The following RAP1GAP2 variants were observed in gnomAD, a reference collection of about 807,000 sequenced individuals.
RAP1GAP2 encodes rap1 GTPase-activating protein 2.
In RAP1GAP2, 27 loss-of-function variants were observed where a neutral mutation model predicts 95.0. The observed-to-expected ratio is 0.28, with a 90% confidence interval of 0.21 to 0.39. The LOEUF (loss-of-function observed/expected upper bound fraction) is 0.39. RAP1GAP2 is among the 10% of genes least tolerant of loss of function. The probability of loss-of-function intolerance (pLI) is 1.00; values close to 1 mark genes in which losing one functional copy is unlikely to be tolerated. For synonymous variants in RAP1GAP2, 373 were observed against 380.9 expected, an observed-to-expected ratio of 0.98 and a Z score of 0.24; for missense variants, 771 against 970.0, an observed-to-expected ratio of 0.79 and a Z score of 2.72.
intron 2 of RAP1GAP2, among the ~76,000 whole-genome samples, chr17:2,851,080 G>T (rs2151593302): frequency 6.6e-6 from 1 of 151,068 alleles, no homozygotes; most frequent in South Asian, 2.1e-4. Flanking sequence ...AAAAAAAAGT[G>T]AAAAAGTAAG....
intron 19 of RAP1GAP2, among the ~76,000 whole-genome samples, chr17:3,024,740 T>C: frequency 6.6e-6 from 1 of 152,224 alleles, no homozygotes; most frequent in Non-Finnish European, 1.5e-5. Context: ...TAAAAAGGAA[T>C]AAAGTCCTGA....
At chr17:3,031,580 C>A (rs1192761078) in intron 23 of RAP1GAP2, among the ~76,000 whole-genome samples, 2 of 147,684 alleles carry the variant, frequency 1.4e-5, no homozygotes, top group African/African-American at 5.0e-5. Context: ...TTCCTGGGTC[C>A]CGAATCCCTT....
chr17:2,985,033 C>T lies in RAP1GAP2; in HGVS notation c.780C>T (p.Phe260=). 6.2e-7 allele frequency: 1 copy of T among 1,613,828 alleles called. No homozygotes were observed. The highest frequency in any genetic ancestry group is 8.5e-7 in the Non-Finnish European group (1 of 1,179,860). The stretch of plus-strand genomic sequence containing the variant: ...ATGAGCATGAAGTCAACAACACATT[C>T]AAATTCGGAGTCATTTATCAAAAAG... ...SYDEHEVNNT[F]KFGVIYQKAR... is the part of the protein sequence containing the mutation. Residue 260 remains phenylalanine (F), a synonymous_variant, in exon 11 of 25, where the codon TTC becomes TTT. Coordinates refer to ENST00000254695, the MANE Select transcript of RAP1GAP2 (RefSeq NM_015085.5).
intron 2 of RAP1GAP2, among the ~76,000 whole-genome samples, chr17:2,901,732 C>G (rs1344926767): frequency 6.6e-6 from 1 of 152,130 alleles, no homozygotes; most frequent in Non-Finnish European, 1.5e-5. Context: ...TCACTTAACT[C>G]TATCTTATCT....
upstream of RAP1GAP2, among the ~76,000 whole-genome samples, chr17:2,775,923 C>A (rs1008227417): frequency 4.6e-5 from 7 of 152,168 alleles, no homozygotes; most frequent in Non-Finnish European, 1.5e-5. Context: ...TCATGCCTGT[C>A]ATCTCAGCAC....
intron 1 of RAP1GAP2, among the ~76,000 whole-genome samples, chr17:2,785,399 T>TG (rs1237712099): frequency 2.2e-5 from 3 of 138,172 alleles, no homozygotes; most frequent in African/African-American, 8.5e-5. Context: ...AGCAAAAAGT[T>TG]GGAAAAAAAA....
In RAP1GAP2 at chr17:2,820,450, G is replaced by A. The variant is rs1267205581; in HGVS notation, c.80+19900G>A. ...AGCCTGGCCAACATGGCAAAACCCC[G>A]TCTCTACTAAAAACACAAAAATTAG... On this transcript the variant is annotated intron_variant, in intron 2 of 24. Transcript: ENST00000254695. 5.3e-5 allele frequency among the ~76,000 whole-genome samples: 8 copies of A among 151,926 alleles called. No homozygotes were observed. The South Asian group carries it at 6.2e-4, about 12-fold the overall frequency.
intron 3 of RAP1GAP2, among the ~76,000 whole-genome samples, chr17:2,922,395 A>C (rs2042809376): frequency 6.6e-6 from 1 of 152,178 alleles, no homozygotes; most frequent in South Asian, 2.1e-4. Flanking sequence ...TTTCCGAATA[A>C]GGTTACACAC....
intron 17 of RAP1GAP2, among the ~76,000 whole-genome samples, chr17:3,009,939 C>T (rs1398252636): frequency 2.6e-5 from 4 of 152,098 alleles, no homozygotes; most frequent in East Asian, 1.9e-4. Flanking sequence ...GGGGGCACCA[C>T]ATTAAGCCTT....
rs537624747 is a variant in RAP1GAP2 at position 2,829,495 on chromosome 17, C to T, written c.80+28945C>T. ...TGGACCCACCTCCCAGTGCCATGCC[C>T]TGCTCACCTCCAGCCCCTCTAGCAG... On this transcript the variant is annotated intron_variant, in intron 2 of 24. Transcript: ENST00000254695. Among the ~76,000 whole-genome samples the T allele has an allele frequency of 5.9e-5, 9 of 152,294 alleles. No individual in the cohort carries two copies. In the South Asian group the frequency reaches 1.9e-3, roughly 32 times the overall value.
At chr17:2,937,436 G>A (rs2043339889) in intron 3 of RAP1GAP2, among the ~76,000 whole-genome samples, 1 of 152,172 alleles carries the variant, frequency 6.6e-6, no homozygotes, top group East Asian at 1.9e-4. Flanking sequence ...CCACGTTCCT[G>A]AGGCTGGGGC....
intron 2 of RAP1GAP2, among the ~76,000 whole-genome samples, chr17:2,899,007 C>T (rs1048657611): frequency 2.8e-5 from 4 of 144,082 alleles, no homozygotes; most frequent in African/African-American, 8.2e-5. Context: ...CTCTCATCAC[C>T]GTTCTGTCTG....
At chr17:2,939,698 G>A (rs923739931) in intron 3 of RAP1GAP2, among the ~76,000 whole-genome samples, 12 of 151,972 alleles carry the variant, frequency 7.9e-5, no homozygotes, top group African/African-American at 2.9e-4. Context: ...CAGGGATGGA[G>A]GGGGGAGGCT....
At chr17:2,850,887 C>A (rs113251510) in intron 2 of RAP1GAP2, among the ~76,000 whole-genome samples, 2 of 151,974 alleles carry the variant, frequency 1.3e-5, no homozygotes, top group African/African-American at 2.4e-5. Context: ...ATGGCGAAAC[C>A]CCGTCTCTAC....
intron 3 of RAP1GAP2, among the ~76,000 whole-genome samples, chr17:2,915,944 C>T (rs1054252358): frequency 1.8e-4 from 28 of 152,128 alleles, no homozygotes; most frequent in Admixed American, 7.9e-4. Context: ...GTGATCCGCC[C>T]GCCTCAGCCT....
intron 2 of RAP1GAP2, among the ~76,000 whole-genome samples, chr17:2,882,870 C>A (rs1001650696): frequency 1.1e-4 from 17 of 152,218 alleles, no homozygotes; most frequent in Admixed American, 3.3e-4. Flanking sequence ...CGTGTCATGT[C>A]CCCAGCGGCT....
chr17:2,870,395 G>A lies in RAP1GAP2; in HGVS notation c.81-34889G>A, dbSNP rs368772938. On this transcript the variant is annotated intron_variant, in intron 2 of 24. Coordinates refer to ENST00000254695, the MANE Select transcript of RAP1GAP2 (RefSeq NM_015085.5). The surrounding 1 kb of genome is among the most constrained non-coding windows in gnomAD (Gnocchi z 4.4). Reference sequence around the variant, plus strand: ...TCCTCCCAAAGTGCTGGGATTACAGGCATGAGCCACCGTGCCCTGCCTGAC... The same window carrying A: ...TCCTCCCAAAGTGCTGGGATTACAGACATGAGCCACCGTGCCCTGCCTGAC... Among the ~76,000 whole-genome samples, 40 of 152,176 alleles carry A rather than the reference G, an allele frequency of 2.6e-4. No homozygotes were observed. The South Asian group carries it at 7.9e-3, about 30-fold the overall frequency.
chr17:2,942,795 T>C (rs1337600471), intron 3 of RAP1GAP2, among the ~76,000 whole-genome samples: 7 of 152,000 alleles, frequency 4.6e-5, no homozygotes, highest in Non-Finnish European at 2.9e-5. Flanking sequence ...TGAGACGGAG[T>C]CTTGCTCTGT....
intron 3 of RAP1GAP2, among the ~76,000 whole-genome samples, chr17:2,908,700 A>G (rs1454404724): frequency 6.6e-6 from 1 of 151,960 alleles, no homozygotes; most frequent in Non-Finnish European, 1.5e-5. Flanking sequence ...TTAGGATTCA[A>G]TTCTTCTTCT....
Sources: allele counts gnomAD v4.1 joint callset (sites outside exome capture counted in the v4.1 genomes callset), GRCh38; gene constraint gnomAD v4.1.1; non-coding constraint Gnocchi (gnomAD v3.1); transcripts MANE v1.5; gene names NCBI Gene and HGNC (gene_info 2026-07-23, HGNC 2026-07-21).